The following RGS7 variants were observed in gnomAD, a reference collection of about 807,000 sequenced individuals.
RGS7 encodes regulator of G-protein signaling 7.
RGS7 carries 27 observed loss-of-function variants against 81.1 expected under a neutral mutation model. The observed-to-expected ratio is 0.33, with a 90% confidence interval of 0.25 to 0.46. RGS7 has a LOEUF of 0.46. RGS7 is among the 20% of genes least tolerant of loss of function. RGS7 has a pLI of 1.00. For synonymous variants in RGS7, 208 were observed against 207.7 expected (o/e 1.00, Z -0.01); for missense variants, 396 against 607.4 (o/e 0.65, Z 3.66).
rs533114129 is a variant in RGS7, at chr1:241,235,382, T to A, written c.78+120317A>T. Among the ~76,000 whole-genome samples, 968 of 152,292 alleles carry A rather than the reference T, an allele frequency of 6.4e-3. 5 individuals are homozygous for A. The highest frequency in any genetic ancestry group is 0.025 in the South Asian group (123 of 4,830). On this transcript the variant is annotated intron_variant, in intron 2 of 18. Transcript: ENST00000440928. ...TAACTAACATAAGCAAAAATCCTTT[T>A]AAAATCTTAGAATTTACAGGATCCA... is the stretch of plus-strand genomic sequence containing the variant.
At chr1:240,909,396 A>G (rs1671357839) in intron 6 of RGS7, among the ~76,000 whole-genome samples, 1 of 152,152 alleles carries the variant, frequency 6.6e-6, no homozygotes, top group Non-Finnish European at 1.5e-5. Context: ...TTTTCCTTGT[A>G]TATTCCCACC....
chr1:240,828,480 C>T (rs184943744), intron 9 of RGS7, among the ~76,000 whole-genome samples: 13 of 152,260 alleles, frequency 8.5e-5, no homozygotes, highest in South Asian at 4.2e-4. Flanking sequence ...CAGGATTTAA[C>T]GATCTCTGGT....
Position 240,868,920 on chromosome 1 carries a change from C to T in RGS7, c.451-68G>A. 7.2e-7 allele frequency: 1 copy of T among 1,395,444 alleles called. No homozygotes were observed. Among genetic ancestry groups the T allele is most frequent in the Non-Finnish European group, 1.0e-6 (1 of 980,788 alleles). 86.4% of individuals were successfully genotyped at this position (1,395,444 alleles called of 1,614,324 possible). A position where few individuals can be genotyped will look rare whatever the true frequency, so the allele number is the denominator to read the frequency against. On this transcript the variant is annotated intron_variant, in intron 7 of 18. Coordinates refer to ENST00000440928, the MANE Select transcript of RGS7 (RefSeq NM_001364886.1). This position sits in a 1 kb window ranked among gnomAD's most constrained non-coding sequence, Gnocchi z 5.1. ...CACTGCTCTCTTCTAGCTTAGTTAC[C>T]ACTTGTATTTGTCAAGGAAACAAAT...
chr1:240,987,646 C>T (rs1685871879), intron 3 of RGS7, among the ~76,000 whole-genome samples: 1 of 151,986 alleles, frequency 6.6e-6, no homozygotes, highest in Admixed American at 6.6e-5. Context: ...GTCCCAGCCT[C>T]CCAAGTAGCT....
chr1:240,863,082 G>GTA (rs1662536901), intron 9 of RGS7, among the ~76,000 whole-genome samples: 1 of 152,090 alleles, frequency 6.6e-6, no homozygotes, highest in East Asian at 1.9e-4. Context: ...AGCCTCCTGA[G>GTA]TAGCTAGGAT....
chr1:240,952,840 G>GA (rs11393438), intron 4 of RGS7, among the ~76,000 whole-genome samples: 148,756 of 151,804 alleles, frequency 0.98, 72,959 homozygotes, highest in South Asian at 1. Flanking sequence ...TAAAAGGGGG[G>GA]AAAAGAGATA....
intron 3 of RGS7, among the ~76,000 whole-genome samples, chr1:241,089,057 CTCTCTCTATATA>C (rs1270502887): frequency 1.1e-3 from 52 of 48,598 alleles, no homozygotes; most frequent in Admixed American, 1.9e-3. Context: ...CTCTCTCTCT[CTCTCTCTATATA>C]TATATATATA....
At chr1:240,892,815 A>G (rs1160623844) in intron 6 of RGS7, among the ~76,000 whole-genome samples, 1 of 152,084 alleles carries the variant, frequency 6.6e-6, no homozygotes, top group East Asian at 1.9e-4. Flanking sequence ...CTCTGAACCT[A>G]TTCTGATTTG....
chr1:241,346,185 T>C (rs957681067), intron 2 of RGS7, among the ~76,000 whole-genome samples: 4 of 151,984 alleles, frequency 2.6e-5, no homozygotes, highest in African/African-American at 9.7e-5. Context: ...GAGGTTAACA[T>C]AGTATTTATT....
chr1:241,268,151 A>G lies in RGS7; in HGVS notation c.78+87548T>C, dbSNP rs1173801239. 2.0e-5 allele frequency among the ~76,000 whole-genome samples: 3 copies of G among 152,164 alleles called. No individual in the cohort carries two copies. The South Asian group carries it at 6.2e-4, about 32-fold the overall frequency. ...CACACCCAAAGTCACTGTCTAGAGGACTTTTCTGCTTTCTGGTGGAAAAGA... is the reference window on the plus strand; with the variant it reads ...CACACCCAAAGTCACTGTCTAGAGGGCTTTTCTGCTTTCTGGTGGAAAAGA... On this transcript the variant is annotated intron_variant, in intron 2 of 18. Coordinates refer to ENST00000440928, the MANE Select transcript of RGS7 (RefSeq NM_001364886.1).
intron 4 of RGS7, among the ~76,000 whole-genome samples, chr1:240,944,699 T>C (rs1678298682): frequency 6.6e-6 from 1 of 152,156 alleles, no homozygotes; most frequent in African/African-American, 2.4e-5. Flanking sequence ...TGTAACTGCA[T>C]GTCAGGAGTA....
chr1:240,878,455 T>C (rs1665810364), intron 6 of RGS7, among the ~76,000 whole-genome samples: 1 of 151,082 alleles, frequency 6.6e-6, no homozygotes, highest in African/African-American at 2.4e-5. Context: ...ATTCGAGGTT[T>C]TGTGTTTTCT....
In RGS7 at chr1:241,098,706, C is replaced by T. The variant is rs763166097; in HGVS notation, c.135G>A (p.Thr45=). 1.9e-5 allele frequency: 31 copies of T among 1,613,536 alleles called. No homozygotes were observed. The highest frequency in any genetic ancestry group is 8.3e-5 in the Admixed American group (5 of 59,992). ...GTATCTTGGAAAGAAAGCTTTTGACCGTACGAATAGGAATTCCATTTTTTT... is the reference window on the plus strand; with the variant it reads ...GTATCTTGGAAAGAAAGCTTTTGACTGTACGAATAGGAATTCCATTTTTTT... The part of the protein sequence containing the change: ...QDEKNGIPIR[T]VKSFLSKIPS... Residue 45 remains threonine, a synonymous_variant, in exon 3 of 19, where the codon ACG becomes ACA. Transcript: ENST00000440928.
intron 2 of RGS7, among the ~76,000 whole-genome samples, chr1:241,278,152 A>AT (rs1488777799): frequency 6.6e-6 from 1 of 151,686 alleles, no homozygotes; most frequent in African/African-American, 2.4e-5. Flanking sequence ...TGATGTTCGT[A>AT]TTTTTTTCTT....
intron 3 of RGS7, among the ~76,000 whole-genome samples, chr1:240,989,153 A>C (rs1686090290): frequency 6.6e-6 from 1 of 152,010 alleles, no homozygotes. Flanking sequence ...TAAGATACCC[A>C]ATCAGGCCGG....
chr1:240,953,549 T>C (rs567451894), intron 4 of RGS7, among the ~76,000 whole-genome samples: 4 of 152,082 alleles, frequency 2.6e-5, no homozygotes, highest in Admixed American at 1.3e-4. Context: ...TAAATTAATA[T>C]GTAAATGCAG....
rs988938404 is a variant in RGS7 at position 240,868,380 on chromosome 1, A to G, written c.609+207T>C. The stretch of plus-strand genomic sequence containing the variant: ...AGTAAGCAAGCGATATCATGGTGGG[A>G]AAATGCATGGTTTTATAAATTAAAT... On this transcript the variant is annotated intron_variant, in intron 9 of 18. Transcript: ENST00000440928. The surrounding 1 kb of genome is among the most constrained non-coding windows in gnomAD (Gnocchi z 5.1). Among the ~76,000 whole-genome samples the G allele has an allele frequency of 2.6e-5, 4 of 152,208 alleles. No homozygotes were observed. Among genetic ancestry groups the G allele is most frequent in the Non-Finnish European group, 5.9e-5 (4 of 68,040 alleles).
At chr1:240,991,613 G>A (rs572713518) in intron 3 of RGS7, among the ~76,000 whole-genome samples, 5 of 152,288 alleles carry the variant, frequency 3.3e-5, no homozygotes, top group South Asian at 2.1e-4. Flanking sequence ...GACTAAGTCC[G>A]CAGTGTTTCC....
intron 2 of RGS7, among the ~76,000 whole-genome samples, chr1:241,120,713 G>A (rs1292523398): frequency 1.3e-5 from 2 of 152,150 alleles, no homozygotes; most frequent in South Asian, 4.2e-4. Flanking sequence ...GTACACATAT[G>A]TGTCCAAAAT....
Sources: allele counts gnomAD v4.1 joint callset (sites outside exome capture counted in the v4.1 genomes callset), GRCh38; gene constraint gnomAD v4.1.1; non-coding constraint Gnocchi (gnomAD v3.1); transcripts MANE v1.5; gene names NCBI Gene and HGNC (gene_info 2026-07-23, HGNC 2026-07-21).